Variants in SCAI observed in about 807,000 individuals in gnomAD.
The protein encoded by SCAI is protein SCAI.
A neutral mutation model predicts 92.2 loss-of-function variants in SCAI; 24 were observed. The observed-to-expected ratio is 0.26, with a 90% CI of 0.19 to 0.37. The LOEUF (loss-of-function observed/expected upper bound fraction) is 0.37, where lower values mean the gene tolerates loss of function less well. Among genes scored for constraint, SCAI ranks in the 10% least tolerant of loss-of-function variants. The pLI, the probability that SCAI is intolerant of heterozygous loss-of-function variation, is 1.00. For synonymous variants in SCAI, 261 were observed against 258.6 expected (o/e 1.01, Z -0.09); for missense variants, 450 against 736.2 (o/e 0.61, Z 4.50).
At chr9:125,109,653 TTATCTATCTATC>T (rs61141143) in intron 2 of SCAI, among the ~76,000 whole-genome samples, 55 of 147,942 alleles carry the variant, frequency 3.7e-4, no homozygotes, top group South Asian at 1.3e-3. Context: ...AGGTTTCCAT[TTATCTATCTATC>T]TATCTATCTA....
intron 2 of SCAI, among the ~76,000 whole-genome samples, chr9:125,103,648 T>C (rs942765622): frequency 1.3e-5 from 2 of 152,154 alleles, no homozygotes; most frequent in African/African-American, 4.8e-5. Context: ...AAATTGTAAA[T>C]CTAGGGCTGG....
At chr9:125,105,004 GAAT>G (rs1279899153) in intron 2 of SCAI, among the ~76,000 whole-genome samples, 36 of 150,396 alleles carry the variant, frequency 2.4e-4, no homozygotes, top group African/African-American at 8.8e-4. Flanking sequence ...TTTGTTTCCT[GAAT>G]AATAATAGTC....
chr9:124,994,024 T>A (rs1383570780), intron 14 of SCAI, among the ~76,000 whole-genome samples: 2 of 151,196 alleles, frequency 1.3e-5, no homozygotes, highest in African/African-American at 4.9e-5. Flanking sequence ...TTAAAGTGTT[T>A]CACTGCTGGC....
intron 17 of SCAI, among the ~76,000 whole-genome samples, chr9:124,967,660 A>ACACAC (rs1831567212): frequency 6.8e-6 from 1 of 147,728 alleles, no homozygotes; most frequent in East Asian, 2.3e-4. Context: ...ATAATAAAAA[A>ACACAC]ATACACACAC....
At chr9:125,009,571 C>T (rs750263284) in intron 9 of SCAI, among the ~76,000 whole-genome samples, 11 of 152,082 alleles carry the variant, frequency 7.2e-5, no homozygotes, top group Non-Finnish European at 8.8e-5. Flanking sequence ...TGAGTCACCA[C>T]GCCCAGCCCA....
chr9:125,029,781 T>C (rs1334131205), intron 3 of SCAI, 42 bp from the exon 4 acceptor site: 1 of 1,181,716 alleles, frequency 8.5e-7, no homozygotes, highest in African/African-American at 1.5e-5. Flanking sequence ...AAACTTCTTA[T>C]TCTATTTGGA....
Position 124,993,353 on chromosome 9 carries a change from C to T in SCAI, c.1326+1581G>A, listed in dbSNP as rs532242059. On this transcript the variant is annotated intron_variant, in intron 14 of 17. Coordinates refer to ENST00000336505, the MANE Select transcript of SCAI (RefSeq NM_001144877.3). ...CCTGTAATCCCAACATTTTGGGAGGCCAAGGCGGGTGGATCATCTGAGGTC... is the reference window on the plus strand; with the variant it reads ...CCTGTAATCCCAACATTTTGGGAGGTCAAGGCGGGTGGATCATCTGAGGTC... Among the ~76,000 whole-genome samples the T allele has an allele frequency of 3.7e-4, 56 of 152,310 alleles. No individual in the cohort carries two copies. The East Asian group carries it at 0.011, about 29-fold the overall frequency.
chr9:125,130,806 G>A (rs552293335), intron 2 of SCAI, among the ~76,000 whole-genome samples: 1 of 151,398 alleles, frequency 6.6e-6, no homozygotes, highest in African/African-American at 2.4e-5. Flanking sequence ...TCTTAATAAC[G>A]AACATGCTTT....
At chr9:125,060,878 G>C (rs1197688794) in intron 2 of SCAI, among the ~76,000 whole-genome samples, 5 of 152,158 alleles carry the variant, frequency 3.3e-5, no homozygotes, top group African/African-American at 1.2e-4. Flanking sequence ...CAAATAGTTT[G>C]AGTTTCATGA....
chr9:125,135,179 T>G (rs912145008), intron 2 of SCAI, among the ~76,000 whole-genome samples: 11 of 152,106 alleles, frequency 7.2e-5, no homozygotes, highest in African/African-American at 2.4e-4. Flanking sequence ...AATAAAAGTT[T>G]TAAGGGGAAA....
At chr9:125,093,813 C>G (rs1381324283) in intron 2 of SCAI, among the ~76,000 whole-genome samples, 1 of 152,052 alleles carries the variant, frequency 6.6e-6, no homozygotes, top group East Asian at 1.9e-4. Context: ...ATCTGCCCTC[C>G]TCGGCCTCCC....
intron 2 of SCAI, among the ~76,000 whole-genome samples, chr9:125,135,838 G>T (rs527320205): frequency 6.6e-6 from 1 of 151,068 alleles, no homozygotes; most frequent in South Asian, 2.1e-4. Flanking sequence ...GTGTGGTGGC[G>T]CATGTCTGTA....
chr9:125,016,727 A>G (rs1333227943), intron 9 of SCAI, among the ~76,000 whole-genome samples: 3 of 152,150 alleles, frequency 2.0e-5, no homozygotes, highest in Admixed American at 6.5e-5. Flanking sequence ...TCCAGAAAGA[A>G]AATCTGACCC....
intron 3 of SCAI, among the ~76,000 whole-genome samples, chr9:125,039,635 C>G (rs1218009617): frequency 1.3e-5 from 2 of 152,164 alleles, no homozygotes; most frequent in Non-Finnish European, 2.9e-5. Context: ...CAGTCTCAGT[C>G]AGATCTCACT....
chr9:125,096,725 T>C (rs1347440303), intron 2 of SCAI, among the ~76,000 whole-genome samples: 1 of 152,262 alleles, frequency 6.6e-6, no homozygotes, highest in Non-Finnish European at 1.5e-5. Flanking sequence ...CCTGAGGCAG[T>C]ACCCTGCCTC....
In SCAI at chr9:125,003,115, T is replaced by C; in HGVS notation, c.1064A>G (p.Lys355Arg). ...TAAAAAGTACTGGATCACACATACC[T>C]TAAAAGACGCTGCTAAGAAGGTATA... ...QLYTFLAASF[K>R]ELPANSVLLI... Residue 355 changes from lysine (K) to arginine (R), a missense_variant and splice_region_variant, in exon 11 of 18, where the codon AAG becomes AGG. Around this residue, in one of 3 missense-constraint regions of SCAI, gnomAD observed 360 missense variants for 601.8 expected, o/e 0.60. Transcript: ENST00000336505. The C allele has an allele frequency of 6.2e-7, 1 of 1,606,420 alleles. No homozygotes were observed. Among genetic ancestry groups the C allele is most frequent in the South Asian group, 1.1e-5 (1 of 90,912 alleles).
chr9:125,044,092 G>C (rs1833386305), intron 3 of SCAI, among the ~76,000 whole-genome samples: 1 of 152,120 alleles, frequency 6.6e-6, no homozygotes, highest in South Asian at 2.1e-4. Flanking sequence ...GGCCAAGCCT[G>C]GGACCTGTCA....
intron 5 of SCAI, among the ~76,000 whole-genome samples, chr9:125,027,727 T>G (rs1382460303): frequency 2.0e-5 from 3 of 152,188 alleles, no homozygotes; most frequent in Non-Finnish European, 4.4e-5. Context: ...TTCACTAGGC[T>G]GGTCTCAAAC....
chr9:125,046,985 C>G (rs1272468736), intron 3 of SCAI, among the ~76,000 whole-genome samples: 1 of 151,996 alleles, frequency 6.6e-6, no homozygotes, highest in Non-Finnish European at 1.5e-5. Flanking sequence ...AGTATTGAAT[C>G]TATTCAGATA....
Sources: allele counts gnomAD v4.1 joint callset (sites outside exome capture counted in the v4.1 genomes callset), GRCh38; gene constraint gnomAD v4.1.1; regional missense constraint gnomAD v4.1.1; transcripts MANE v1.5; gene names NCBI Gene and HGNC (gene_info 2026-07-23, HGNC 2026-07-21).